Variants in LRCH1 observed in about 807,000 individuals in gnomAD.
The protein encoded by LRCH1 is leucine-rich repeat and calponin homology domain-containing protein 1.
A neutral mutation model predicts 94.9 loss-of-function variants in LRCH1; 23 were observed. That is an observed-to-expected ratio of 0.24 (90% CI 0.17 to 0.34). LRCH1 has a LOEUF of 0.34. LRCH1 is among the 10% of genes least tolerant of loss of function. The probability of loss-of-function intolerance (pLI) is 1.00; values close to 1 mark genes in which losing one functional copy is unlikely to be tolerated. For synonymous variants in LRCH1, 364 were observed against 354.9 expected, an observed-to-expected ratio of 1.03 and a Z score of -0.29; for missense variants, 790 against 945.9, an observed-to-expected ratio of 0.84 and a Z score of 2.16.
intron 1 of LRCH1, among the ~76,000 whole-genome samples, chr13:46,641,827 C>G (rs58639289): frequency 6.6e-6 from 1 of 152,136 alleles, no homozygotes; most frequent in Admixed American, 6.5e-5. Flanking sequence ...GTTTTTCTAC[C>G]CTACCCTGCT....
At chr13:46,672,539 GAGTC>G (rs1397325515) in intron 3 of LRCH1, among the ~76,000 whole-genome samples, 1 of 152,098 alleles carries the variant, frequency 6.6e-6, no homozygotes, top group Non-Finnish European at 1.5e-5. Flanking sequence ...CTGAGCCTGA[GAGTC>G]AGCCGCATAC....
intron 1 of LRCH1, among the ~76,000 whole-genome samples, chr13:46,622,224 G>C (rs1011352607): frequency 8.1e-5 from 12 of 148,068 alleles, no homozygotes; most frequent in African/African-American, 3.0e-4. Flanking sequence ...GAGGTATCCT[G>C]TATATTCTGT....
In LRCH1 at chr13:46,744,631, T is replaced by C. The variant is rs1873829985; in HGVS notation, c.*2783T>C. 1.0e-6 allele frequency: 1 copy of C among 985,310 alleles called. No homozygotes were observed. Among genetic ancestry groups the C allele is most frequent in the Non-Finnish European group, 1.2e-6 (1 of 829,946 alleles). 61.0% of individuals were successfully genotyped at this position (985,310 alleles called of 1,614,324 possible). A position where few individuals can be genotyped will look rare whatever the true frequency, so the allele number is the denominator to read the frequency against. On this transcript the variant is annotated 3_prime_UTR_variant, in exon 20 of 20. Transcript: ENST00000389797. ...TTGATAGCCTGCTGCTATTTGTTTG[T>C]AAGAAATTAAAACTAGCGCGTGGTG... is the stretch of plus-strand genomic sequence containing the variant.
rs1873837928 is a variant in LRCH1, at chr13:46,744,743, A to C, written c.*2895A>C. On this transcript the variant is annotated 3_prime_UTR_variant, in exon 20 of 20. Transcript: ENST00000389797. The stretch of plus-strand genomic sequence containing the variant: ...GTTTTGCCTTTGCCTGTGGGGAAAA[A>C]GTAGGGATGATATTTTAAAATTTTA... 1 of 985,268 alleles carries C rather than the reference A, an allele frequency of 1.0e-6. No individual in the cohort carries two copies. The highest frequency in any genetic ancestry group is 4.7e-5 in the South Asian group (1 of 21,290). 61.0% of individuals were successfully genotyped at this position (985,268 alleles called of 1,614,324 possible).
chr13:46,559,160 T>G (rs959346064), intron 1 of LRCH1, among the ~76,000 whole-genome samples: 3 of 152,256 alleles, frequency 2.0e-5, no homozygotes, highest in Non-Finnish European at 4.4e-5. Flanking sequence ...TAACTTTATT[T>G]CATAATTTTT....
chr13:46,618,044 G>A (rs2050832632), intron 1 of LRCH1, among the ~76,000 whole-genome samples: 1 of 152,120 alleles, frequency 6.6e-6, no homozygotes, highest in South Asian at 2.1e-4. Context: ...CTTAACGACA[G>A]GGACACATTC....
intron 1 of LRCH1, among the ~76,000 whole-genome samples, chr13:46,612,316 A>G (rs1017804763): frequency 1.4e-4 from 22 of 152,370 alleles, no homozygotes; most frequent in African/African-American, 4.8e-4. Context: ...AACACCTTCA[A>G]TACAAATGTA....
chr13:46,732,486 G>A (rs567599447), intron 18 of LRCH1, among the ~76,000 whole-genome samples: 1 of 152,224 alleles, frequency 6.6e-6, no homozygotes, highest in East Asian at 1.9e-4. Context: ...TCCCAAAGAG[G>A]GAGAATTATT....
chr13:46,640,474 A>G (rs1004138119), intron 1 of LRCH1, among the ~76,000 whole-genome samples: 2 of 152,222 alleles, frequency 1.3e-5, no homozygotes, highest in African/African-American at 4.8e-5. Context: ...GAGGACCTGG[A>G]ACCAGCCTGG....
intron 16 of LRCH1, among the ~76,000 whole-genome samples, chr13:46,715,999 C>T (rs1018305076): frequency 1.3e-5 from 2 of 151,932 alleles, no homozygotes; most frequent in Non-Finnish European, 2.9e-5. Context: ...CCGCTTGTTC[C>T]TGCATCTGAA....
At position 46,694,596 on chromosome 13, in the gene LRCH1, C is replaced by T. The variant is rs143951571; in HGVS notation, c.1121-297C>T. 3.7e-3 allele frequency among the ~76,000 whole-genome samples: 565 copies of T among 152,152 alleles called. 1 individual carries two copies. Among genetic ancestry groups the T allele is most frequent in the African/African-American group, 0.013 (547 of 41,508 alleles). On this transcript the variant is annotated intron_variant, in intron 8 of 19. Transcript: ENST00000389797. ...AACATATTACTGAGGGCAAAAAAGC[C>T]TCTTTTATACTTTCTTTTCTCCATT...
chr13:46,663,793 A>G (rs17068565), intron 2 of LRCH1, among the ~76,000 whole-genome samples: 6,138 of 152,294 alleles, frequency 0.04, 170 homozygotes, highest in African/African-American at 0.07. Context: ...TCAGTATTGG[A>G]TAAGCCCAGA....
chr13:46,562,339 G>C (rs2050138421), intron 1 of LRCH1, among the ~76,000 whole-genome samples: 1 of 152,212 alleles, frequency 6.6e-6, no homozygotes, highest in Non-Finnish European at 1.5e-5. Context: ...TCTGGAGGCT[G>C]GAAGTCCAAG....
intron 1 of LRCH1, among the ~76,000 whole-genome samples, chr13:46,608,008 A>G (rs1057013439): frequency 3.3e-5 from 5 of 152,318 alleles, no homozygotes; most frequent in Non-Finnish European, 7.4e-5. Flanking sequence ...GCCAGAGTTT[A>G]CCGGTGATGA....
chr13:46,602,457 T>G (rs1195055353), intron 1 of LRCH1, among the ~76,000 whole-genome samples: 1 of 152,204 alleles, frequency 6.6e-6, no homozygotes, highest in Admixed American at 6.5e-5. Context: ...TGCTGTTTAC[T>G]GTGTCTGTAG....
At chr13:46,750,544 A>G in exon 19 of LRCH1, 3 of 1,547,752 alleles carry the variant, frequency 1.9e-6, no homozygotes, top group Non-Finnish European at 2.6e-6. Flanking sequence ...TTTTAGGAAA[A>G]GCTATGTCTC....
intron 1 of LRCH1, among the ~76,000 whole-genome samples, chr13:46,569,497 G>T (rs1032317970): frequency 1.8e-4 from 27 of 152,164 alleles, no homozygotes; most frequent in African/African-American, 6.3e-4. Context: ...TAAGCACTTG[G>T]CTGGCTCCCC....
intron 1 of LRCH1, among the ~76,000 whole-genome samples, chr13:46,579,618 C>T (rs1196453035): frequency 1.3e-5 from 2 of 152,106 alleles, no homozygotes; most frequent in East Asian, 1.9e-4. Context: ...ATGAATAACA[C>T]CTCAATAACC....
chr13:46,609,344 A>G (rs1455508178), intron 1 of LRCH1, among the ~76,000 whole-genome samples: 4 of 152,220 alleles, frequency 2.6e-5, no homozygotes, highest in East Asian at 3.9e-4. Context: ...TCCATTGCCA[A>G]TATGTGGATA....
Sources: allele counts gnomAD v4.1 joint callset (sites outside exome capture counted in the v4.1 genomes callset), GRCh38; gene constraint gnomAD v4.1.1; transcripts MANE v1.5; gene names NCBI Gene and HGNC (gene_info 2026-07-23, HGNC 2026-07-21).